The following KRAS variants were observed in gnomAD, a reference collection of about 807,000 sequenced individuals.
KRAS encodes the protein GTPase KRas.
In KRAS, 1 loss-of-function variant was observed where a neutral mutation model predicts 21.0. That is an observed-to-expected ratio of 0.05 (90% CI 0.02 to 0.23). The LOEUF (loss-of-function observed/expected upper bound fraction) is 0.23, where lower values mean the gene tolerates loss of function less well. Among genes scored for constraint, KRAS ranks in the 10% least tolerant of loss-of-function variants. KRAS has a pLI of 1.00. For missense variants in KRAS, 107 were observed against 221.8 expected (o/e 0.48, Z 3.29); for synonymous variants, 67 against 72.5 (o/e 0.92, Z 0.39).
At chr12:25,228,523 A>T (rs1171469852) in intron 2 of KRAS, among the ~76,000 whole-genome samples, 1 of 152,114 alleles carries the variant, frequency 6.6e-6, no homozygotes, top group Non-Finnish European at 1.5e-5. Flanking sequence ...AAGGACAAAT[A>T]CCACATAATT....
chr12:25,214,182 T>G (rs1951229001), intron 4 of KRAS, among the ~76,000 whole-genome samples: 1 of 152,092 alleles, frequency 6.6e-6, no homozygotes. Context: ...AGACTAGGGA[T>G]AAAAATACTG....
At chr12:25,226,710 A>C (rs1387862321) in intron 3 of KRAS, among the ~76,000 whole-genome samples, 1 of 152,246 alleles carries the variant, frequency 6.6e-6, no homozygotes, top group African/African-American at 2.4e-5. Context: ...TAGTATAATA[A>C]TGATTATTTT....
chr12:25,220,721 CA>C (rs35976713), intron 4 of KRAS, among the ~76,000 whole-genome samples: 69 of 135,704 alleles, frequency 5.1e-4, no homozygotes, highest in African/African-American at 5.9e-4. Context: ...GAGACCGTCT[CA>C]AAAAAAAAAA....
intron 4 of KRAS, among the ~76,000 whole-genome samples, chr12:25,221,100 A>T (rs1178227363): frequency 6.6e-6 from 1 of 150,932 alleles, no homozygotes; most frequent in African/African-American, 2.4e-5. Context: ...GTTAAGTTTT[A>T]CTTTAAGATT....
chr12:25,219,826 T>C (rs1266262361), intron 4 of KRAS, among the ~76,000 whole-genome samples: 1 of 152,174 alleles, frequency 6.6e-6, no homozygotes, highest in Non-Finnish European at 1.5e-5. Context: ...AAAATATTGA[T>C]CTCATGTACA....
intron 2 of KRAS, among the ~76,000 whole-genome samples, chr12:25,242,314 C>G (rs1023296636): frequency 2.0e-5 from 3 of 152,070 alleles, no homozygotes; most frequent in African/African-American, 7.2e-5. Context: ...GGTAAGTGAT[C>G]AACTAATCAT....
intron 2 of KRAS, among the ~76,000 whole-genome samples, chr12:25,237,325 C>A (rs547927737): frequency 6.6e-6 from 1 of 152,188 alleles, no homozygotes; most frequent in Non-Finnish European, 1.5e-5. Context: ...GACTGCACAA[C>A]CCTTGTGAAT....
chr12:25,214,064 G>A (rs1192189933), intron 4 of KRAS, among the ~76,000 whole-genome samples: 1 of 152,206 alleles, frequency 6.6e-6, no homozygotes, highest in African/African-American at 2.4e-5. Flanking sequence ...GTTAAGAATA[G>A]TATTCTGGGA....
chr12:25,222,145 T>A (rs1951334450), intron 4 of KRAS, among the ~76,000 whole-genome samples: 1 of 88,328 alleles, frequency 1.1e-5, no homozygotes, highest in African/African-American at 4.3e-5. Context: ...CAAGACTCCG[T>A]CTCAAAAAAA....
intron 4 of KRAS, chr12:25,225,049 T>C (rs1204697880): frequency 6.6e-6 from 1 of 151,896 alleles, no homozygotes; most frequent in Non-Finnish European, 1.5e-5. Context: ...AAAATTCAGG[T>C]TCTCTCTGGC....
chr12:25,214,287 T>C (rs960084429), intron 4 of KRAS, among the ~76,000 whole-genome samples: 1 of 152,160 alleles, frequency 6.6e-6, no homozygotes, highest in African/African-American at 2.4e-5. Context: ...AGATGACGTT[T>C]TTAGATATAA....
At chr12:25,227,514 G>A (rs756121847) in intron 2 of KRAS, 102 bp from the exon 3 acceptor site, 2 of 1,037,832 alleles carry the variant, frequency 1.9e-6, no homozygotes, top group Non-Finnish European at 2.9e-6. Context: ...TTAAAAATGG[G>A]CAAAGGACTT....
rs1257942387 is a variant in KRAS, at chr12:25,208,112, T to G, written c.*1683A>C. On this transcript the variant is annotated 3_prime_UTR_variant, in exon 5 of 5. Coordinates refer to ENST00000311936, the MANE Select transcript of KRAS (RefSeq NM_004985.5). The stretch of plus-strand genomic sequence containing the variant: ...TAGGTTAAAAATTTACAGATTGTGC[T>G]GAGCTTGACAAATAAGTGTATCCTT... 1 of 233,300 alleles carries G rather than the reference T, an allele frequency of 4.3e-6. No individual in the cohort carries two copies. Among genetic ancestry groups the G allele is most frequent in the East Asian group, 6.0e-5 (1 of 16,536 alleles). The allele number at this position is 233,300 out of a possible 1,614,324, so 14.5% of individuals were successfully genotyped here. A position where few individuals can be genotyped will look rare whatever the true frequency, so the allele number is the denominator to read the frequency against.
intron 2 of KRAS, among the ~76,000 whole-genome samples, chr12:25,229,170 G>C (rs1253417189): frequency 6.6e-6 from 1 of 152,160 alleles, no homozygotes; most frequent in African/African-American, 2.4e-5. Context: ...AGTCAACAAT[G>C]CAAGTGTACA....
chr12:25,238,933 T>C (rs1951575632), intron 2 of KRAS, among the ~76,000 whole-genome samples: 2 of 152,246 alleles, frequency 1.3e-5, no homozygotes, highest in African/African-American at 4.8e-5. Flanking sequence ...TTGAATTACC[T>C]GGTCAAAGGA....
chr12:25,208,953 CATTTAATTCCT>C lies in KRAS; in HGVS notation c.*831_*841del, dbSNP rs1951173561. ...AGAGCAGTCTGACACAGGGAGACTA[CATTTAATTCCT>C]ATGAGAATTTTTTATACTTGTTAAA... On this transcript the variant is annotated 3_prime_UTR_variant, in exon 5 of 5. Transcript: ENST00000311936. 2 of 309,792 alleles carry C rather than the reference CATTTAATTCCT, an allele frequency of 6.5e-6. No individual in the cohort carries two copies. Among genetic ancestry groups the C allele is most frequent in the Non-Finnish European group, 1.2e-5 (2 of 169,928 alleles). The allele number at this position is 309,792 out of a possible 1,614,324, so 19.2% of individuals were successfully genotyped here.
In KRAS at chr12:25,207,024, A is replaced by G. The variant is rs1565877553; in HGVS notation, c.*2771T>C. 4 of 209,296 alleles carry G rather than the reference A, an allele frequency of 1.9e-5. No individual in the cohort carries two copies. Among genetic ancestry groups the G allele is most frequent in the Non-Finnish European group, 3.9e-5 (4 of 102,932 alleles). The allele number at this position is 209,296 out of a possible 1,614,324, so 13.0% of individuals were successfully genotyped here. A position where few individuals can be genotyped will look rare whatever the true frequency, so the allele number is the denominator to read the frequency against. On this transcript the variant is annotated 3_prime_UTR_variant, in exon 5 of 5. Transcript: ENST00000311936. ...GAAGAGTTTCAGTGGAATCGTAGCA[A>G]AACAATTATAGAGCTGGCACAGAGA...
At chr12:25,220,297 A>G (rs1420771730) in intron 4 of KRAS, among the ~76,000 whole-genome samples, 2 of 152,248 alleles carry the variant, frequency 1.3e-5, no homozygotes. Context: ...ACTAGCAGAA[A>G]ATAATTCTAT....
chr12:25,225,449 G>C (rs1951380243), intron 4 of KRAS, 165 bp downstream of exon 4: 1 of 675,548 alleles, frequency 1.5e-6, no homozygotes, highest in Non-Finnish European at 2.5e-6. Context: ...GCAGTACCAT[G>C]GACACTGGAT....
Sources: gnomAD v4.1 joint callset for allele counts (sites outside exome capture counted in the v4.1 genomes callset) on GRCh38, gnomAD v4.1.1 for gene constraint, MANE v1.5 for transcripts, NCBI Gene and HGNC (gene_info 2026-07-23, HGNC 2026-07-21) for gene names.